Variants in RTL4 observed in about 807,000 individuals in gnomAD.
RTL4 encodes the protein retrotransposon Gag-like protein 4.
A neutral mutation model predicts 5.3 loss-of-function variants in RTL4; 4 were observed. The ratio of observed to expected loss-of-function variants is 0.75; its 90% CI spans 0.37 to 1.72. RTL4 has a LOEUF of 1.72. Among genes scored for constraint, RTL4 ranks in the 40% most tolerant of loss-of-function variants. The pLI is 0.04. For missense variants in RTL4, 260 were observed against 227.1 expected (o/e 1.14, Z -0.93); for synonymous variants, 98 against 87.3 (o/e 1.12, Z -0.68).
the RTL4 span, among the ~76,000 whole-genome samples, chrX:112,335,044 C>T: frequency 2.7e-5 from 3 of 111,524 alleles, no homozygotes; most frequent in South Asian, 1.1e-3. Flanking sequence ...ATTTCTATGG[C>T]CTGGAATAAT....
At chrX:112,201,273 C>T in the RTL4 span, among the ~76,000 whole-genome samples, 1 of 111,482 alleles carries the variant, frequency 9.0e-6, no homozygotes, top group Non-Finnish European at 1.9e-5. Context: ...TCCATTGACA[C>T]ATGAGGATTA....
At chrX:112,440,442 A>G in the RTL4 span, among the ~76,000 whole-genome samples, 1 of 111,516 alleles carries the variant, frequency 9.0e-6, no homozygotes, top group African/African-American at 3.3e-5. Flanking sequence ...TGACAGCCTG[A>G]CAGACACTTA....
At chrX:112,163,752 A>G in the RTL4 span, among the ~76,000 whole-genome samples, 1 of 111,894 alleles carries the variant, frequency 8.9e-6, no homozygotes, top group Non-Finnish European at 1.9e-5. Flanking sequence ...CTACCTGCAT[A>G]GAGTTTTGAG....
chrX:112,126,837 A>C, the RTL4 span, among the ~76,000 whole-genome samples: 1 of 112,102 alleles, frequency 8.9e-6, no homozygotes, highest in African/African-American at 3.2e-5. Context: ...AGAAACACAC[A>C]AACTACCAAT....
chrX:112,252,237 C>T, the RTL4 span, among the ~76,000 whole-genome samples: 49 of 111,982 alleles, frequency 4.4e-4, no homozygotes, highest in African/African-American at 1.5e-3. Flanking sequence ...TAAAAGTAAG[C>T]GATTGAAAAA....
At chrX:112,378,005 A>G in the RTL4 span, among the ~76,000 whole-genome samples, 2 of 111,700 alleles carry the variant, frequency 1.8e-5, no homozygotes, top group Non-Finnish European at 3.8e-5. Context: ...GTAAGATTCT[A>G]AGAGATCCTA....
the RTL4 span, among the ~76,000 whole-genome samples, chrX:112,307,079 G>T: frequency 3.6e-5 from 4 of 111,741 alleles, no homozygotes; most frequent in African/African-American, 1.3e-4. Context: ...CATTGCTTCA[G>T]ATCTTTCTGT....
the RTL4 span, among the ~76,000 whole-genome samples, chrX:112,329,340 C>T: frequency 9.0e-6 from 1 of 111,114 alleles, no homozygotes; most frequent in African/African-American, 3.3e-5. Context: ...ACCACCGATC[C>T]CACAGAAATA....
At chrX:112,219,823 A>G in the RTL4 span, among the ~76,000 whole-genome samples, 12 of 112,341 alleles carry the variant, frequency 1.1e-4, no homozygotes, top group South Asian at 3.7e-4. Context: ...ACTGGAGATA[A>G]CTGGTCTAGA....
the RTL4 span, among the ~76,000 whole-genome samples, chrX:112,375,016 A>ATACT: frequency 6.7e-4 from 75 of 111,917 alleles, no homozygotes; most frequent in African/African-American, 2.3e-3. Flanking sequence ...ACTTATACTA[A>ATACT]TACTTAGGAG....
At chrX:112,242,588 G>C in the RTL4 span, among the ~76,000 whole-genome samples, 1 of 111,884 alleles carries the variant, frequency 8.9e-6, no homozygotes, top group South Asian at 3.7e-4. Context: ...AGCTTAAGGA[G>C]ATTTTGGGCT....
the RTL4 span, among the ~76,000 whole-genome samples, chrX:112,340,547 G>T: frequency 1.0e-5 from 1 of 96,412 alleles, no homozygotes; most frequent in African/African-American, 3.8e-5. Context: ...AAGACCCACG[G>T]GAATAGTAAT....
the RTL4 span, among the ~76,000 whole-genome samples, chrX:112,252,534 C>T: frequency 9.9e-5 from 11 of 111,300 alleles, no homozygotes; most frequent in African/African-American, 3.6e-4. Context: ...AGTTTGAGCA[C>T]GGCAAATTTA....
chrX:112,342,486 A>C, the RTL4 span, among the ~76,000 whole-genome samples: 1 of 111,777 alleles, frequency 8.9e-6, no homozygotes, highest in Non-Finnish European at 1.9e-5. Context: ...CATGAAGACC[A>C]ATCTCTATCT....
chrX:112,454,341 C>G (rs762811168), upstream of RTL4, among the ~76,000 whole-genome samples: 17 of 112,310 alleles, frequency 1.5e-4, no homozygotes, highest in Non-Finnish European at 3.0e-4. Flanking sequence ...ACAGGTTGAC[C>G]AAGCTTGCTT....
At chrX:112,376,003 A>G in the RTL4 span, among the ~76,000 whole-genome samples, 5 of 111,731 alleles carry the variant, frequency 4.5e-5, no homozygotes, top group East Asian at 1.4e-3. Flanking sequence ...TCAGACCAAT[A>G]AGAAGTCATA....
At chrX:112,330,738 A>T in the RTL4 span, among the ~76,000 whole-genome samples, 1 of 111,255 alleles carries the variant, frequency 9.0e-6, no homozygotes, top group Non-Finnish European at 1.9e-5. Flanking sequence ...GAGGCATCAC[A>T]CTACCTGACT....
the RTL4 span, among the ~76,000 whole-genome samples, chrX:112,165,128 C>T: frequency 3.6e-5 from 4 of 111,801 alleles, no homozygotes; most frequent in Non-Finnish European, 5.6e-5. Context: ...TACTGCCTCG[C>T]GCGGTCATGG....
the RTL4 span, among the ~76,000 whole-genome samples, chrX:112,197,434 T>C: frequency 1.1e-5 from 1 of 95,216 alleles, no homozygotes; most frequent in Non-Finnish European, 2.1e-5. Flanking sequence ...GACCACCTCA[T>C]TACAACCTTG....
Sources: gnomAD v4.1 joint callset for allele counts (sites outside exome capture counted in the v4.1 genomes callset) on GRCh38, gnomAD v4.1.1 for gene constraint, MANE v1.5 for transcripts, NCBI Gene and HGNC (gene_info 2026-07-23, HGNC 2026-07-21) for gene names.